Variants in GULP1 observed in about 807,000 individuals in gnomAD.
GULP1 encodes PTB domain-containing engulfment adapter protein 1.
Under a neutral mutation model 40.9 loss-of-function variants are expected in GULP1, and 19 were observed. That is an observed-to-expected ratio of 0.46 (90% CI 0.32 to 0.68). GULP1 has a LOEUF of 0.68. Among genes scored for constraint, GULP1 ranks in the 30% least tolerant of loss-of-function variants. GULP1 has a pLI of 0.03. For missense variants in GULP1, 312 were observed against 362.2 expected (o/e 0.86, Z 1.12); for synonymous variants, 119 against 117.6 (o/e 1.01, Z -0.08).
intron 8 of GULP1, 148 bp downstream of exon 8, chr2:188,569,503 C>T (rs968523861): frequency 6.2e-5 from 40 of 648,320 alleles, no homozygotes; most frequent in South Asian, 4.7e-4. Context: ...CATAATTTTT[C>T]GTTCCTGATC....
Position 188,382,541 on chromosome 2 carries a change from G to A in GULP1, c.-171-1222G>A, listed in dbSNP as rs548611387. 7.2e-5 allele frequency among the ~76,000 whole-genome samples: 11 copies of A among 152,152 alleles called. 1 individual carries two copies. The South Asian group carries it at 1.0e-3, about 14-fold the overall frequency. ...ATTATTACCTCAGTGTTTGCCTCTG[G>A]GGCAACCTAAACTGAGATTCTTTCT... On this transcript the variant is annotated intron_variant, in intron 1 of 11. Coordinates refer to ENST00000409830, the MANE Select transcript of GULP1 (RefSeq NM_016315.4).
chr2:188,514,077 G>GTGTGTGTGTGTGTA lies in GULP1; in HGVS notation c.91-8673_91-8672insTGTGTGTATGTGTG, dbSNP rs1221246994. 5.3e-5 allele frequency among the ~76,000 whole-genome samples: 8 copies of GTGTGTGTGTGTGTA among 150,142 alleles called. No homozygotes were observed. The East Asian group carries it at 1.6e-3, about 29-fold the overall frequency. Reference sequence around the variant, plus strand: ...TGTGTGTGTGTGTGTGTGTGTGTGTGTGTGTGCGCCCTGCCACTGGGTGGC... The same window carrying GTGTGTGTGTGTGTA: ...TGTGTGTGTGTGTGTGTGTGTGTGTGTGTGTGTGTGTGTATGTGTGCGCCCTGCCACTGGGTGGC... On this transcript the variant is annotated intron_variant, in intron 4 of 11. Transcript: ENST00000409830.
intron 2 of GULP1, among the ~76,000 whole-genome samples, chr2:188,406,137 AT>A (rs1213873846): frequency 1.3e-5 from 2 of 152,186 alleles, no homozygotes; most frequent in Non-Finnish European, 1.5e-5. Context: ...AGTGTAGCTG[AT>A]TGCTACATAT....
intron 2 of GULP1, among the ~76,000 whole-genome samples, chr2:188,417,483 G>A (rs184724568): frequency 1.5e-4 from 23 of 152,200 alleles, no homozygotes; most frequent in Admixed American, 3.9e-4. Context: ...TAAGTTATTC[G>A]AATTAGATAA....
chr2:188,301,382 A>C (rs2036108546), intron 1 of GULP1, among the ~76,000 whole-genome samples: 1 of 152,172 alleles, frequency 6.6e-6, no homozygotes, highest in African/African-American at 2.4e-5. Flanking sequence ...TTGTACCTGA[A>C]GTTAACTCTT....
At chr2:188,436,183 C>T (rs762913947) in intron 2 of GULP1, among the ~76,000 whole-genome samples, 1 of 152,026 alleles carries the variant, frequency 6.6e-6, no homozygotes. Flanking sequence ...CCAACCATCA[C>T]AGCTTGCCAC....
intron 1 of GULP1, among the ~76,000 whole-genome samples, chr2:188,321,097 T>G (rs2039914193): frequency 6.6e-6 from 1 of 152,156 alleles, no homozygotes; most frequent in Non-Finnish European, 1.5e-5. Context: ...TATAGGCTAT[T>G]TTAAAAGAAT....
intron 11 of GULP1, chr2:188,593,420 T>C (rs995164494): frequency 2.6e-5 from 4 of 152,042 alleles, no homozygotes; most frequent in African/African-American, 9.7e-5. Context: ...TAGGGGAAGT[T>C]TTCTCCATGG....
intron 1 of GULP1, among the ~76,000 whole-genome samples, chr2:188,318,864 T>C (rs964637006): frequency 2.0e-5 from 3 of 152,182 alleles, no homozygotes; most frequent in Non-Finnish European, 4.4e-5. Flanking sequence ...TGCTTCTGCT[T>C]CTGCTGTACA....
intron 5 of GULP1, 110 bp downstream of exon 5, chr2:188,522,937 T>A: frequency 1.5e-6 from 1 of 648,210 alleles, no homozygotes; most frequent in Non-Finnish European, 2.8e-6. Context: ...AGCTTCACCC[T>A]ATTAAAAATG....
At chr2:188,580,525 C>A in intron 9 of GULP1, among the ~76,000 whole-genome samples, 1 of 145,802 alleles carries the variant, frequency 6.9e-6, no homozygotes, top group African/African-American at 2.5e-5. Flanking sequence ...TGCACTCCAG[C>A]CTGGGCGACA....
intron 7 of GULP1, among the ~76,000 whole-genome samples, chr2:188,559,760 C>G (rs1343078256): frequency 6.6e-6 from 1 of 152,090 alleles, no homozygotes; most frequent in Non-Finnish European, 1.5e-5. Context: ...GTGTCCCCAC[C>G]CAAATCTCAT....
intron 2 of GULP1, among the ~76,000 whole-genome samples, chr2:188,413,052 A>G (rs1176124169): frequency 6.6e-6 from 1 of 152,154 alleles, no homozygotes; most frequent in African/African-American, 2.4e-5. Context: ...GCAATGTAAC[A>G]CTGGAGACAG....
intron 1 of GULP1, among the ~76,000 whole-genome samples, chr2:188,339,212 A>C (rs1191865375): frequency 3.9e-5 from 6 of 152,354 alleles, no homozygotes; most frequent in Middle Eastern, 3.4e-3. Flanking sequence ...TTTGAATATC[A>C]GTTTAAAAGC....
intron 7 of GULP1, among the ~76,000 whole-genome samples, chr2:188,563,628 C>T (rs1696901867): frequency 6.7e-6 from 1 of 150,192 alleles, no homozygotes; most frequent in East Asian, 1.9e-4. Flanking sequence ...AATATTTGGC[C>T]CAAATATTTG....
intron 2 of GULP1, among the ~76,000 whole-genome samples, chr2:188,390,154 G>A (rs969375209): frequency 2.0e-5 from 3 of 152,094 alleles, no homozygotes; most frequent in African/African-American, 7.2e-5. Context: ...GGAATGGCTG[G>A]ATCAAATGTT....
intron 2 of GULP1, among the ~76,000 whole-genome samples, chr2:188,407,554 A>G (rs919657772): frequency 6.6e-6 from 1 of 152,210 alleles, no homozygotes; most frequent in Non-Finnish European, 1.5e-5. Context: ...TGTAGTCAAA[A>G]TTAATTTTAT....
chr2:188,402,576 T>A (rs2052455424), intron 2 of GULP1, among the ~76,000 whole-genome samples: 1 of 151,860 alleles, frequency 6.6e-6, no homozygotes, highest in South Asian at 2.1e-4. Context: ...AGATTTGGAG[T>A]CTTTTAAAGC....
chr2:188,399,698 A>AAAC (rs1400395183), intron 2 of GULP1, among the ~76,000 whole-genome samples: 3 of 147,946 alleles, frequency 2.0e-5, no homozygotes, highest in African/African-American at 7.4e-5. Flanking sequence ...AAGAAAAAAA[A>AAAC]AAAAAAAAAA....
Sources: allele counts gnomAD v4.1 joint callset (sites outside exome capture counted in the v4.1 genomes callset), GRCh38; gene constraint gnomAD v4.1.1; transcripts MANE v1.5; gene names NCBI Gene and HGNC (gene_info 2026-07-23, HGNC 2026-07-21).